FUCA1: variants seen among roughly 807,000 people sequenced by gnomAD.
The protein encoded by FUCA1 is tissue alpha-L-fucosidase.
A neutral mutation model predicts 56.8 loss-of-function variants in FUCA1; 52 were observed. That is an observed-to-expected ratio of 0.92 (90% CI 0.73 to 1.15). The LOEUF (loss-of-function observed/expected upper bound fraction) is 1.15, where lower values mean the gene tolerates loss of function less well. Ranked by LOEUF, FUCA1 falls within the 50% of genes most tolerant of loss-of-function variation. The pLI is 0.00. For synonymous variants in FUCA1, 230 were observed against 226.6 expected, an observed-to-expected ratio of 1.02 and a Z score of -0.14; for missense variants, 568 against 592.6, an observed-to-expected ratio of 0.96 and a Z score of 0.43.
intron 1 of FUCA1, among the ~76,000 whole-genome samples, chr1:23,866,596 T>C (rs1639628937): frequency 6.6e-6 from 1 of 152,224 alleles, no homozygotes; most frequent in Non-Finnish European, 1.5e-5. Context: ...CATTCCTCTC[T>C]GTAGTGTATT....
intron 5 of FUCA1, among the ~76,000 whole-genome samples, chr1:23,851,774 A>G (rs1639263799): frequency 6.6e-6 from 1 of 151,974 alleles, no homozygotes; most frequent in East Asian, 1.9e-4. Context: ...ACCAAACACC[A>G]CATGTTCTCA....
intron 4 of FUCA1, 39 bp from the exon 5 acceptor site, chr1:23,854,599 C>T (rs189592813): frequency 4.0e-6 from 6 of 1,482,412 alleles, no homozygotes; most frequent in Admixed American, 3.3e-5. Flanking sequence ...AGGAGTAAAA[C>T]CACTTGACTT....
chr1:23,850,453 A>G (rs552198972), intron 5 of FUCA1, among the ~76,000 whole-genome samples: 1 of 151,806 alleles, frequency 6.6e-6, no homozygotes, highest in Non-Finnish European at 1.5e-5. Flanking sequence ...TTGTAATAAT[A>G]TGTAACTTAT....
At position 23,867,805 on chromosome 1, in the gene FUCA1, C is replaced by G; in HGVS notation, c.389+93G>C. ...GCGGGCCCCGGGGTCATGGGGGCGA[C>G]CGGCAGCTGCGCGCCCCAGCTGGCC... is the stretch of plus-strand genomic sequence containing the variant. On this transcript the variant is annotated intron_variant, in intron 1 of 7. Coordinates refer to ENST00000374479, the MANE Select transcript of FUCA1 (RefSeq NM_000147.5). This position sits in a 1 kb window ranked among gnomAD's most constrained non-coding sequence, Gnocchi z 4.9. The G allele has an allele frequency of 6.9e-7, 1 of 1,446,412 alleles. No homozygotes were observed. The highest frequency in any genetic ancestry group is 9.0e-7 in the Non-Finnish European group (1 of 1,108,924). The allele number at this position is 1,446,412 out of a possible 1,614,324, so 89.6% of individuals were successfully genotyped here. A position where few individuals can be genotyped will look rare whatever the true frequency, so the allele number is the denominator to read the frequency against.
Position 23,867,932 on chromosome 1 carries a change from C to A in FUCA1, c.355G>T (p.Glu119Ter), listed in dbSNP as rs767392636. Residue 119 changes from glutamate to a stop codon, truncating the protein, a stop_gained, in exon 1 of 8, where the codon GAG becomes TAG. Coordinates refer to ENST00000374479, the MANE Select transcript of FUCA1 (RefSeq NM_000147.5). LOFTEE classifies it high-confidence loss of function. The surrounding 1 kb of genome is among the most constrained non-coding windows in gnomAD (Gnocchi z 4.9). The part of the protein sequence containing the change: ...QFTARFFHPE[E>*]WADLFQAAGA... ...GCGGCCTGGAAGAGGTCGGCCCACT[C>A]CTCCGGGTGGAAGAAGCGCGCAGTG... is the stretch of plus-strand genomic sequence containing the variant. The A allele has an allele frequency of 1.3e-6, 2 of 1,560,478 alleles. No individual in the cohort carries two copies. Among genetic ancestry groups the A allele is most frequent in the Non-Finnish European group, 1.7e-6 (2 of 1,152,880 alleles).
intron 4 of FUCA1, among the ~76,000 whole-genome samples, chr1:23,856,446 A>G (rs913681332): frequency 1.2e-4 from 18 of 152,210 alleles, no homozygotes; most frequent in Non-Finnish European, 2.2e-4. Context: ...TACTTCTACT[A>G]TCATACTGGT....
chr1:23,849,273 A>T (rs12404321), intron 5 of FUCA1, among the ~76,000 whole-genome samples: 7 of 152,178 alleles, frequency 4.6e-5, no homozygotes, highest in Non-Finnish European at 1.0e-4. Flanking sequence ...AGCATGAGTC[A>T]CCGCACCTGA....
chr1:23,856,118 T>C (rs1639383837), intron 4 of FUCA1, among the ~76,000 whole-genome samples: 1 of 152,140 alleles, frequency 6.6e-6, no homozygotes, highest in African/African-American at 2.4e-5. Flanking sequence ...TTTAAGTTAG[T>C]TACTTATCTA....
In FUCA1 at chr1:23,853,408, G is replaced by A. The variant is rs1346288643; in HGVS notation, c.969+952C>T. On this transcript the variant is annotated intron_variant, in intron 5 of 7. Coordinates refer to ENST00000374479, the MANE Select transcript of FUCA1 (RefSeq NM_000147.5). ...AGGGAGGTGGGGGGGTCAGCCCCCC[G>A]CCTGGCCAGCCGCCCCGTCCGGGAG... Among the ~76,000 whole-genome samples the A allele has an allele frequency of 9.0e-3, 1,326 of 147,708 alleles. 24 individuals carry two copies. Among genetic ancestry groups the A allele is most frequent in the African/African-American group, 0.031 (1,186 of 38,798 alleles).
intron 1 of FUCA1, among the ~76,000 whole-genome samples, chr1:23,865,930 A>C (rs1639614577): frequency 6.6e-6 from 1 of 152,168 alleles, no homozygotes; most frequent in Non-Finnish European, 1.5e-5. Flanking sequence ...TGATTCTTCA[A>C]CACTTCTGGT....
At chr1:23,851,427 T>TACATACAA (rs1557507698) in intron 5 of FUCA1, among the ~76,000 whole-genome samples, 6 of 141,498 alleles carry the variant, frequency 4.2e-5, no homozygotes, top group Admixed American at 1.5e-4. Flanking sequence ...CATACATACA[T>TACATACAA]ACAAATAATC....
At chr1:23,845,945 G>A (rs1639130236) in intron 7 of FUCA1, 90 bp from the exon 8 acceptor site, 16 of 1,557,432 alleles carry the variant, frequency 1.0e-5, no homozygotes, top group South Asian at 6.7e-5. Flanking sequence ...AGCCACGCTG[G>A]GCCAGGGCAG....
chr1:23,853,690 C>T (rs1419695454), intron 5 of FUCA1, among the ~76,000 whole-genome samples: 7 of 150,410 alleles, frequency 4.7e-5, no homozygotes, highest in South Asian at 2.1e-4. Flanking sequence ...GAGGTAGACA[C>T]GGGAGACTTT....
At chr1:23,846,433 G>T (rs1289279895) in intron 6 of FUCA1, among the ~76,000 whole-genome samples, 3 of 151,864 alleles carry the variant, frequency 2.0e-5, no homozygotes, top group Non-Finnish European at 4.4e-5. Context: ...ACCACGCCTG[G>T]CTAACTTTTG....
chr1:23,845,627 G>A lies in FUCA1; in HGVS notation c.*88C>T, dbSNP rs2148436802. 1.3e-6 allele frequency: 2 copies of A among 1,515,584 alleles called. No individual in the cohort carries two copies. Among genetic ancestry groups the A allele is most frequent in the Non-Finnish European group, 9.2e-7 (1 of 1,090,970 alleles). 93.9% of individuals were successfully genotyped at this position (1,515,584 alleles called of 1,614,324 possible). On this transcript the variant is annotated 3_prime_UTR_variant, in exon 8 of 8. Transcript: ENST00000374479. ...AGCCATCTCTGGGTGGAGAAGAGAA[G>A]TTCGTTGATTATAGTGATGGTACTA... is the stretch of plus-strand genomic sequence containing the variant.
chr1:23,850,950 AAT>A (rs1639243283), intron 5 of FUCA1, among the ~76,000 whole-genome samples: 1 of 151,760 alleles, frequency 6.6e-6, no homozygotes, highest in African/African-American at 2.4e-5. Flanking sequence ...TATTAAAAAT[AAT>A]AATAATAATA....
intron 1 of FUCA1, among the ~76,000 whole-genome samples, chr1:23,866,706 G>T (rs376295715): frequency 6.6e-6 from 1 of 152,180 alleles, no homozygotes; most frequent in African/African-American, 2.4e-5. Flanking sequence ...TGGCCAGTTT[G>T]CAGACCCTGG....
chr1:23,845,304 A>G lies in FUCA1; in HGVS notation c.*411T>C. 3.3e-6 allele frequency: 1 copy of G among 302,304 alleles called. No homozygotes were observed. Among genetic ancestry groups the G allele is most frequent in the South Asian group, 3.2e-5 (1 of 31,534 alleles). The allele number at this position is 302,304 out of a possible 1,614,324, so 18.7% of individuals were successfully genotyped here. A position where few individuals can be genotyped will look rare whatever the true frequency, so the allele number is the denominator to read the frequency against. On this transcript the variant is annotated 3_prime_UTR_variant, in exon 8 of 8. Transcript: ENST00000374479. ...CTTTGCAGAAAGACTGTTGGTGACA[A>G]CTGATGCTAACTAAATAGCATGTGG... is the stretch of plus-strand genomic sequence containing the variant.
In FUCA1 at chr1:23,868,262, G is replaced by T. The variant is rs534639612; in HGVS notation, c.25C>A (p.Arg9=). 1.3e-6 allele frequency: 2 copies of T among 1,556,466 alleles called. No individual in the cohort carries two copies. The highest frequency in any genetic ancestry group is 1.2e-5 in the South Asian group (1 of 85,322). ...AGCAACAGCGCGGGACCCGCCGGCC[G>T]CGACCTCATCCCCGGAGCCCGCATC... MRAPGMRS[R]PAGPALLLLL... Residue 9 remains arginine (R), a synonymous_variant, in exon 1 of 8, where the codon CGG becomes AGG. Coordinates refer to ENST00000374479, the MANE Select transcript of FUCA1 (RefSeq NM_000147.5).
Sources: gnomAD v4.1 joint callset for allele counts (sites outside exome capture counted in the v4.1 genomes callset) on GRCh38, gnomAD v4.1.1 for gene constraint, Gnocchi (gnomAD v3.1) non-coding constraint, MANE v1.5 for transcripts, NCBI Gene and HGNC (gene_info 2026-07-23, HGNC 2026-07-21) for gene names.